MID1: variants seen among roughly 807,000 people sequenced by gnomAD.
MID1 encodes the protein E3 ubiquitin-protein ligase Midline-1.
A neutral mutation model predicts 40.4 loss-of-function variants in MID1; 7 were observed. That is an observed-to-expected ratio of 0.17 (90% CI 0.10 to 0.33). The LOEUF (loss-of-function observed/expected upper bound fraction) is 0.33. MID1 is among the 10% of genes least tolerant of loss of function. The pLI is 1.00. For missense variants in MID1, 367 were observed against 558.5 expected, an observed-to-expected ratio of 0.66 and a Z score of 3.46; for synonymous variants, 229 against 221.2, an observed-to-expected ratio of 1.04 and a Z score of -0.31.
At chrX:10,750,270 T>C (rs1337518717) in intron 1 of MID1, among the ~76,000 whole-genome samples, 1 of 111,374 alleles carries the variant, frequency 9.0e-6, no homozygotes, top group African/African-American at 3.3e-5. Flanking sequence ...AAAAAGACCT[T>C]GATATATAAA....
At position 10,678,761 on chromosome X, in the gene MID1, C is replaced by CT. The variant is rs759823731; in HGVS notation, c.-186-58343dup. 1.6e-3 allele frequency among the ~76,000 whole-genome samples: 177 copies of CT among 112,015 alleles called. 1 individual carries two copies. Among genetic ancestry groups the CT allele is most frequent in the Non-Finnish European group, 2.7e-3 (143 of 53,185 alleles). On this transcript the variant is annotated intron_variant, in intron 1 of 10. Coordinates refer to the MID1 transcript ENST00000380785. ...AAACAAAAGGAGACATATAATTAGT[C>CT]TTTAAATGCATGGAAAGGTGTTCTT...
At chrX:10,599,952 A>G (rs1935488382) in intron 1 of MID1, among the ~76,000 whole-genome samples, 1 of 112,085 alleles carries the variant, frequency 8.9e-6, no homozygotes, top group Non-Finnish European at 1.9e-5. Flanking sequence ...CTGAGAATAA[A>G]GAAAGTGAGT....
rs763060243 is a variant in MID1 at position 10,447,022 on chromosome X, C to T, written c.*2346G>A. 4 of 111,660 alleles carry T rather than the reference C, an allele frequency of 3.6e-5. No individual in the cohort carries two copies. Among genetic ancestry groups the T allele is most frequent in the South Asian group, 3.7e-4 (1 of 2,691 alleles). 9.2% of individuals were successfully genotyped at this position (111,660 alleles called of 1,213,427 possible). On this transcript the variant is annotated 3_prime_UTR_variant, in exon 10 of 10. Transcript: ENST00000317552. ...TAGACTTTCAAAAAAAAAATTCACACGGGAATCTTTTCTACATCATTATAG... is the reference window on the plus strand; with the variant it reads ...TAGACTTTCAAAAAAAAAATTCACATGGGAATCTTTTCTACATCATTATAG...
intron 1 of MID1, among the ~76,000 whole-genome samples, chrX:10,769,180 C>A (rs1348328445): frequency 9.0e-6 from 1 of 111,433 alleles, no homozygotes; most frequent in African/African-American, 3.3e-5. Flanking sequence ...CCCATGATGG[C>A]ACTTTATAAC....
rs73480993 is a variant in MID1, at chrX:10,740,012, C to G, written c.-187+93542G>C. 7.3e-3 allele frequency among the ~76,000 whole-genome samples: 818 copies of G among 112,588 alleles called. 11 individuals carry two copies. Among genetic ancestry groups the G allele is most frequent in the African/African-American group, 0.025 (779 of 31,021 alleles). ...TCAGACAGGGCTCCAAACTGCAACC[C>G]AAGAAGATATATTGATCTAGAAAAT... is the stretch of plus-strand genomic sequence containing the variant. On this transcript the variant is annotated intron_variant, in intron 1 of 10. Transcript: ENST00000380785.
chrX:10,544,883 T>C (rs147822589), intron 2 of MID1, among the ~76,000 whole-genome samples: 163 of 112,732 alleles, frequency 1.4e-3, no homozygotes, highest in African/African-American at 5.1e-3. Context: ...AAATGCAACA[T>C]AATTATGAAC....
intron 5 of MID1, 37 bp downstream of exon 5, chrX:10,482,443 C>A: frequency 8.3e-7 from 1 of 1,200,822 alleles, no homozygotes. Flanking sequence ...TACAAGAGCC[C>A]AGCAGCCGAG....
At chrX:10,802,743 T>G (rs1311448833) in intron 1 of MID1, among the ~76,000 whole-genome samples, 1 of 112,096 alleles carries the variant, frequency 8.9e-6, no homozygotes, top group Non-Finnish European at 1.9e-5. Flanking sequence ...CATTACAACA[T>G]TATTCACAAT....
chrX:10,748,673 G>C (rs746296221), intron 1 of MID1, among the ~76,000 whole-genome samples: 1 of 111,821 alleles, frequency 8.9e-6, no homozygotes, highest in South Asian at 3.8e-4. Flanking sequence ...TAATTTCAAG[G>C]TTATCAATAT....
intron 1 of MID1, among the ~76,000 whole-genome samples, chrX:10,799,898 G>C (rs1179608776): frequency 9.5e-6 from 1 of 105,409 alleles, no homozygotes; most frequent in Non-Finnish European, 1.9e-5. Context: ...GCCAAGCAGG[G>C]ATTTAAACTC....
At chrX:10,720,875 A>C (rs1420313532) in intron 1 of MID1, among the ~76,000 whole-genome samples, 2 of 110,310 alleles carry the variant, frequency 1.8e-5, no homozygotes, top group Non-Finnish European at 3.8e-5. Context: ...GCCATAAAAA[A>C]TGATGAGTTC....
intron 3 of MID1, among the ~76,000 whole-genome samples, chrX:10,498,161 T>G (rs938091184): frequency 1.8e-5 from 2 of 112,302 alleles, no homozygotes; most frequent in Non-Finnish European, 3.8e-5. Flanking sequence ...TGGAGTGCAC[T>G]GGTGCCATAA....
intron 1 of MID1, 132 bp downstream of exon 1, chrX:10,620,158 C>G (rs1935910203): frequency 8.9e-6 from 1 of 112,465 alleles, no homozygotes; most frequent in African/African-American, 3.2e-5. Flanking sequence ...AAAATGCAGC[C>G]CCGTCTTTCC....
intron 1 of MID1, among the ~76,000 whole-genome samples, chrX:10,732,880 T>C (rs1304369907): frequency 2.0e-5 from 2 of 101,835 alleles, no homozygotes; most frequent in East Asian, 3.0e-4. Flanking sequence ...TTTTTTTTTT[T>C]TTGAGAGGGA....
intron 3 of MID1, among the ~76,000 whole-genome samples, chrX:10,499,786 C>A (rs1931451109): frequency 2.7e-5 from 3 of 112,476 alleles, no homozygotes; most frequent in African/African-American, 9.7e-5. Context: ...ATATTCCACA[C>A]TTCAAGCTCT....
At chrX:10,786,037 A>G (rs1160562165) in intron 1 of MID1, among the ~76,000 whole-genome samples, 1 of 111,804 alleles carries the variant, frequency 8.9e-6, no homozygotes, top group Non-Finnish European at 1.9e-5. Flanking sequence ...GGCAACCTAC[A>G]GAATGGGAGA....
At position 10,700,763 on chromosome X, in the gene MID1, G is replaced by A. The variant is rs1019864781; in HGVS notation, c.-186-80344C>T. On this transcript the variant is annotated intron_variant, in intron 1 of 10. Transcript: ENST00000380785. The stretch of plus-strand genomic sequence containing the variant: ...TTAAAGGAGAATCAAATTTTTGACT[G>A]TTTGGAAAAAAGACCAGGTCTCTCC... 3.6e-5 allele frequency among the ~76,000 whole-genome samples: 4 copies of A among 111,730 alleles called. No homozygotes were observed. In the East Asian group the frequency reaches 8.5e-4, roughly 24 times the overall value.
intron 2 of MID1, among the ~76,000 whole-genome samples, chrX:10,548,721 T>G (rs1408681819): frequency 1.8e-5 from 2 of 111,144 alleles, no homozygotes; most frequent in Admixed American, 1.9e-4. Flanking sequence ...TACCCAAAGT[T>G]TCATAAGTAC....
At chrX:10,479,434 C>T (rs959119833) in intron 5 of MID1, among the ~76,000 whole-genome samples, 1 of 110,916 alleles carries the variant, frequency 9.0e-6, no homozygotes, top group Non-Finnish European at 1.9e-5. Flanking sequence ...AATAGTAGGT[C>T]TTATTCATTC....
Sources: allele counts gnomAD v4.1 joint callset (sites outside exome capture counted in the v4.1 genomes callset), GRCh38; gene constraint gnomAD v4.1.1; transcripts MANE v1.5; gene names NCBI Gene and HGNC (gene_info 2026-07-23, HGNC 2026-07-21).